Variants in SPOCK3 observed in about 807,000 individuals in gnomAD.
SPOCK3 encodes SPARC (osteonectin), cwcv and kazal like domains proteoglycan 3, also known as testican-3.
SPOCK3 carries 30 observed loss-of-function variants against 56.6 expected under a neutral mutation model. The ratio of observed to expected loss-of-function variants is 0.53; its 90% CI spans 0.40 to 0.72. The LOEUF is 0.72. Among genes scored for constraint, SPOCK3 ranks in the 30% least tolerant of loss-of-function variants. The pLI is 0.00. For missense variants in SPOCK3, 527 were observed against 530.0 expected (o/e 0.99, Z 0.06); for synonymous variants, 196 against 183.3 (o/e 1.07, Z -0.56).
chr4:166,737,499 A>G lies in SPOCK3; in HGVS notation c.1100T>C (p.Met367Thr), dbSNP rs1301676844. The change falls in exon 10 of 11, where the codon ATG (methionine) becomes ACG (threonine). Residue 367 changes from methionine (M) to threonine (T), a missense_variant. Met to Thr is a moderately conservative substitution (Grantham distance 81, BLOSUM62 -1). Transcript: ENST00000357545. ...TGCAACACCATTTATTCTGGATCCCATGACTTCATTTCCATATCTGTCAAC... is the reference window on the plus strand; with the variant it reads ...TGCAACACCATTTATTCTGGATCCCGTGACTTCATTTCCATATCTGTCAAC... ...WCVDRYGNEVMGSRINGVADC... is the reference protein window; with the variant it reads ...WCVDRYGNEVTGSRINGVADC... 4 of 1,613,322 alleles carry G rather than the reference A, an allele frequency of 2.5e-6. No homozygotes were observed. The highest frequency in any genetic ancestry group is 3.3e-5 in the Admixed American group (2 of 59,932).
intron 6 of SPOCK3, among the ~76,000 whole-genome samples, chr4:166,797,658 T>C (rs1742107431): frequency 6.6e-6 from 1 of 152,088 alleles, no homozygotes; most frequent in South Asian, 2.1e-4. Context: ...ATTAAAAACT[T>C]ATTTTTTTTC....
At chr4:167,063,952 G>A (rs1163250726) in intron 2 of SPOCK3, among the ~76,000 whole-genome samples, 3 of 151,752 alleles carry the variant, frequency 2.0e-5, no homozygotes, top group Non-Finnish European at 4.4e-5. Flanking sequence ...GTTCTGAATA[G>A]TGCTGTGATA....
At chr4:166,983,623 G>A (rs74502890) in intron 4 of SPOCK3, among the ~76,000 whole-genome samples, 1 of 151,894 alleles carries the variant, frequency 6.6e-6, no homozygotes, top group Non-Finnish European at 1.5e-5. Flanking sequence ...CTAGAAGAGA[G>A]GATTTTGAAT....
Position 166,753,574 on chromosome 4 carries a change from G to A in SPOCK3, c.931+934C>T, listed in dbSNP as rs193105044. ...CTGAACTATTACTAAATGTGGAAAA[G>A]TTATTGAGATAATAAACTACCCCAT... is the stretch of plus-strand genomic sequence containing the variant. On this transcript the variant is annotated intron_variant, in intron 8 of 10. Transcript: ENST00000357545. 1.1e-3 allele frequency among the ~76,000 whole-genome samples: 166 copies of A among 152,084 alleles called. 1 individual carries two copies. Among genetic ancestry groups the A allele is most frequent in the Middle Eastern group, 0.01 (3 of 294 alleles).
intron 3 of SPOCK3, among the ~76,000 whole-genome samples, chr4:167,059,227 G>C (rs1755292844): frequency 6.6e-6 from 1 of 151,970 alleles, no homozygotes; most frequent in African/African-American, 2.4e-5. Context: ...CTACAAAATG[G>C]GAGAAAATTT....
chr4:166,879,771 G>A (rs566451133), intron 6 of SPOCK3, among the ~76,000 whole-genome samples: 1 of 152,226 alleles, frequency 6.6e-6, no homozygotes, highest in East Asian at 1.9e-4. Context: ...TCTCTTGTTG[G>A]ATTTTAATCT....
intron 6 of SPOCK3, among the ~76,000 whole-genome samples, chr4:166,817,197 CCTGTATAGTGTGT>C (rs1221751223): frequency 6.6e-6 from 1 of 152,044 alleles, no homozygotes; most frequent in Non-Finnish European, 1.5e-5. Flanking sequence ...GTGATACCTG[CCTGTATAGTGTGT>C]TGCACTACAG....
Position 167,083,357 on chromosome 4 carries a change from G to A in SPOCK3, c.190-20820C>T. On this transcript the variant is annotated intron_variant, in intron 2 of 10. Coordinates refer to ENST00000357545, the MANE Select transcript of SPOCK3 (RefSeq NM_001040159.2). The stretch of plus-strand genomic sequence containing the variant: ...CCCACCATGTGCATTCTCTCTTGCT[G>A]CAGTGAATAACGAATTCAACTTGCT... 3 of 761,328 alleles carry A rather than the reference G, an allele frequency of 3.9e-6. No individual in the cohort carries two copies. In the Admixed American group the frequency reaches 5.1e-5, roughly 13 times the overall value. 47.2% of individuals were successfully genotyped at this position (761,328 alleles called of 1,614,324 possible).
chr4:166,741,931 G>T, intron 9 of SPOCK3, 66 bp downstream of exon 9: 1 of 1,091,970 alleles, frequency 9.2e-7, no homozygotes, highest in Non-Finnish European at 1.4e-6. Context: ...TTGATTTTAT[G>T]TTGCTGTTTC....
At chr4:166,886,550 T>C (rs1734220507) in intron 6 of SPOCK3, among the ~76,000 whole-genome samples, 2 of 152,118 alleles carry the variant, frequency 1.3e-5, no homozygotes, top group Non-Finnish European at 2.9e-5. Flanking sequence ...ATTAGAGAAA[T>C]AGAGAAAAAC....
At chr4:166,952,978 A>C (rs1299376340) in intron 4 of SPOCK3, among the ~76,000 whole-genome samples, 5 of 151,132 alleles carry the variant, frequency 3.3e-5, no homozygotes, top group Admixed American at 6.6e-5. Context: ...AACCATAAAA[A>C]CCCTAGAAGA....
At chr4:167,203,042 T>C (rs1442572872) in intron 2 of SPOCK3, among the ~76,000 whole-genome samples, 1 of 151,964 alleles carries the variant, frequency 6.6e-6, no homozygotes, top group Non-Finnish European at 1.5e-5. Flanking sequence ...TTATTCCTAA[T>C]GTGTGAATAA....
intron 6 of SPOCK3, among the ~76,000 whole-genome samples, chr4:166,807,473 T>A (rs1743300201): frequency 6.6e-6 from 1 of 152,170 alleles, no homozygotes; most frequent in African/African-American, 2.4e-5. Context: ...TTGCTATGCA[T>A]GTTGTGTTGT....
intron 6 of SPOCK3, among the ~76,000 whole-genome samples, chr4:166,830,730 C>A (rs1351777481): frequency 6.6e-6 from 1 of 151,922 alleles, no homozygotes; most frequent in Non-Finnish European, 1.5e-5. Flanking sequence ...AAGACTTTGT[C>A]TCCCTCCCCG....
At chr4:166,991,767 C>G (rs527775758) in intron 4 of SPOCK3, among the ~76,000 whole-genome samples, 2 of 152,206 alleles carry the variant, frequency 1.3e-5, no homozygotes, top group African/African-American at 4.8e-5. Flanking sequence ...GGTGAAACAG[C>G]AGGCATCAGC....
chr4:167,136,281 T>G (rs954883964), intron 2 of SPOCK3, among the ~76,000 whole-genome samples: 4 of 152,282 alleles, frequency 2.6e-5, no homozygotes, highest in Admixed American at 2.6e-4. Context: ...TGTGTGAGTG[T>G]GTGTGTGTGG....
At chr4:166,794,441 A>G (rs1741687630) in intron 6 of SPOCK3, among the ~76,000 whole-genome samples, 1 of 151,940 alleles carries the variant, frequency 6.6e-6, no homozygotes, top group Admixed American at 6.6e-5. Context: ...CTACCAAGGG[A>G]ACTGGATTAA....
In SPOCK3 at chr4:166,761,921, A is replaced by AAAAAAAAAG. The variant is rs1356774043; in HGVS notation, c.710-7193_710-7192insCTTTTTTTT. Among the ~76,000 whole-genome samples, 4 of 150,762 alleles carry AAAAAAAAAG rather than the reference A, an allele frequency of 2.7e-5. 1 individual carries two copies. Among genetic ancestry groups the AAAAAAAAAG allele is most frequent in the African/African-American group, 9.8e-5 (4 of 40,812 alleles). On this transcript the variant is annotated intron_variant, in intron 7 of 10. Coordinates refer to ENST00000357545, the MANE Select transcript of SPOCK3 (RefSeq NM_001040159.2). ...AAAAAAAAAAAAAAAAAAAAAAAAA[A>AAAAAAAAAG]AGAGATTTGGGGGCTTGAAAAATTT...
intron 3 of SPOCK3, among the ~76,000 whole-genome samples, chr4:167,022,263 C>T (rs1356854191): frequency 6.6e-6 from 1 of 152,000 alleles, no homozygotes; most frequent in Non-Finnish European, 1.5e-5. Context: ...TAATATAAAT[C>T]TCTAGGATAT....
Sources: gnomAD v4.1 joint callset for allele counts (sites outside exome capture counted in the v4.1 genomes callset) on GRCh38, gnomAD v4.1.1 for gene constraint, MANE v1.5 for transcripts, NCBI Gene and HGNC (gene_info 2026-07-23, HGNC 2026-07-21) for gene names.